B4GALT6: variants seen among roughly 807,000 people sequenced by gnomAD.
B4GALT6 encodes beta-1,4-galactosyltransferase 6, also known as UDP-Gal:beta-GlcNAc beta-1,4-galactosyltransferase 6.
A neutral mutation model predicts 46.3 loss-of-function variants in B4GALT6; 14 were observed. The observed-to-expected ratio is 0.30, with a 90% CI of 0.20 to 0.47. The LOEUF is 0.47. Among genes scored for constraint, B4GALT6 ranks in the 20% least tolerant of loss-of-function variants. B4GALT6 has a pLI of 0.99. For missense variants in B4GALT6, 386 were observed against 480.1 expected, an observed-to-expected ratio of 0.80 and a Z score of 1.83; for synonymous variants, 168 against 162.0, an observed-to-expected ratio of 1.04 and a Z score of -0.28.
chr18:31,685,629 G>C (rs2074540008), upstream of B4GALT6: 1 of 152,492 alleles, frequency 6.6e-6, no homozygotes, highest in Non-Finnish European at 1.5e-5. Flanking sequence ...GCCCCCGCCC[G>C]CCCGGGGACC....
At chr18:31,690,253 T>C (rs1212072956), upstream of B4GALT6, among the ~76,000 whole-genome samples, 1 of 151,922 alleles carries the variant, frequency 6.6e-6, no homozygotes, top group Non-Finnish European at 1.5e-5. Flanking sequence ...TGCCTCAGCC[T>C]CCCGAGTAGC....
In B4GALT6 at chr18:31,622,930, T is replaced by C. The variant is rs1484953366; in HGVS notation, c.*2684A>G. 1 of 152,032 alleles carries C rather than the reference T, an allele frequency of 6.6e-6. No homozygotes were observed. Among genetic ancestry groups the C allele is most frequent in the African/African-American group, 2.4e-5 (1 of 41,448 alleles). The allele number at this position is 152,032 out of a possible 1,614,324, so 9.4% of individuals were successfully genotyped here. On this transcript the variant is annotated 3_prime_UTR_variant, in exon 9 of 9. Coordinates refer to ENST00000306851, the MANE Select transcript of B4GALT6 (RefSeq NM_004775.5). ...CATGTAATTTTCCCAGTTAGTGCCA[T>C]AGGGACCTCCTATTAGCCCTAGGTC...
At chr18:31,632,610 A>G (rs930079638) in intron 5 of B4GALT6, among the ~76,000 whole-genome samples, 2 of 152,128 alleles carry the variant, frequency 1.3e-5, no homozygotes, top group African/African-American at 2.4e-5. Flanking sequence ...GTAGTGGAGG[A>G]GTTAAACCAC....
the B4GALT6 span, among the ~76,000 whole-genome samples, chr18:31,712,616 A>G: frequency 1.3e-5 from 2 of 152,174 alleles, no homozygotes; most frequent in African/African-American, 4.8e-5. Context: ...GCACCTGTCC[A>G]GTCACTTGGA....
upstream of B4GALT6, chr18:31,684,592 G>A (rs1598940783): frequency 1.7e-5 from 24 of 1,385,398 alleles, no homozygotes; most frequent in South Asian, 2.9e-5. Flanking sequence ...GAAATGGGAG[G>A]GAGCGGACGG....
chr18:31,647,550 T>A (rs541651171), intron 3 of B4GALT6, among the ~76,000 whole-genome samples: 2 of 152,264 alleles, frequency 1.3e-5, no homozygotes, highest in Admixed American at 1.3e-4. Context: ...GAAATCCTAG[T>A]AATTTGCTCA....
chr18:31,657,836 G>A, intron 3 of B4GALT6, 140 bp downstream of exon 3: 1 of 508,734 alleles, frequency 2.0e-6, no homozygotes, highest in Non-Finnish European at 3.4e-6. Flanking sequence ...ATAAATAAAA[G>A]TTCAAATAAC....
chr18:31,646,736 G>A lies in B4GALT6; in HGVS notation c.347-1257C>T, dbSNP rs2073995419. On this transcript the variant is annotated intron_variant, in intron 3 of 8. Transcript: ENST00000306851. ...TTGCTCCTGCTATTCTATATTTTAGGAGTTTTCACAATGGCCTCTCTTCCT... is the reference window on the plus strand; with the variant it reads ...TTGCTCCTGCTATTCTATATTTTAGAAGTTTTCACAATGGCCTCTCTTCCT... Among the ~76,000 whole-genome samples, 4 of 152,126 alleles carry A rather than the reference G, an allele frequency of 2.6e-5. No homozygotes were observed. In the South Asian group the frequency reaches 8.3e-4, roughly 32 times the overall value.
intron 5 of B4GALT6, among the ~76,000 whole-genome samples, chr18:31,633,045 G>A (rs1291334069): frequency 6.6e-6 from 1 of 152,020 alleles, no homozygotes; most frequent in Non-Finnish European, 1.5e-5. Flanking sequence ...AAGACCCATG[G>A]AGAATACACT....
chr18:31,634,454 C>A (rs2073832680), intron 5 of B4GALT6, among the ~76,000 whole-genome samples: 1 of 152,218 alleles, frequency 6.6e-6, no homozygotes, highest in African/African-American at 2.4e-5. Flanking sequence ...CAAATTGACT[C>A]TAGTCTTGTC....
At chr18:31,708,567 A>AAAAAAT in the B4GALT6 span, among the ~76,000 whole-genome samples, 2 of 152,138 alleles carry the variant, frequency 1.3e-5, no homozygotes, top group Admixed American at 6.5e-5. Context: ...TCGTCTCAAT[A>AAAAAAT]AAAAATAAAA....
intron 5 of B4GALT6, among the ~76,000 whole-genome samples, chr18:31,631,748 A>C (rs1462078592): frequency 6.6e-6 from 1 of 152,208 alleles, no homozygotes; most frequent in African/African-American, 2.4e-5. Context: ...AATACCAAGG[A>C]GGTCTAACTT....
At chr18:31,677,558 G>T (rs1239970866) in intron 1 of B4GALT6, among the ~76,000 whole-genome samples, 3 of 152,034 alleles carry the variant, frequency 2.0e-5, no homozygotes, top group African/African-American at 7.3e-5. Context: ...AGGCATTATG[G>T]GTATCCTCAG....
At position 31,648,145 on chromosome 18, in the gene B4GALT6, G is replaced by A. The variant is rs570306465; in HGVS notation, c.347-2666C>T. On this transcript the variant is annotated intron_variant, in intron 3 of 8. Transcript: ENST00000306851. ...AGAGATCCACTGAACTCCATGGAGA[G>A]CCAATCTTCACTCTCCTCTGTGGTG... 2.2e-4 allele frequency among the ~76,000 whole-genome samples: 33 copies of A among 152,304 alleles called. No homozygotes were observed. The South Asian group carries it at 6.4e-3, about 30-fold the overall frequency.
intron 3 of B4GALT6, among the ~76,000 whole-genome samples, chr18:31,656,875 G>A (rs140925121): frequency 6.6e-6 from 1 of 152,296 alleles, no homozygotes; most frequent in African/African-American, 2.4e-5. Flanking sequence ...TAAAGCCCAT[G>A]ATGCAGCAAG....
intron 6 of B4GALT6, among the ~76,000 whole-genome samples, chr18:31,627,573 C>T (rs915023598): frequency 8.5e-5 from 13 of 152,074 alleles, no homozygotes; most frequent in African/African-American, 3.1e-4. Context: ...TTACAAAAGA[C>T]AATTCTAGCA....
chr18:31,700,437 G>T, the B4GALT6 span, among the ~76,000 whole-genome samples: 1 of 117,922 alleles, frequency 8.5e-6, no homozygotes, highest in South Asian at 2.3e-4. Flanking sequence ...TTGACTATTT[G>T]TGTGTGTGTG....
At chr18:31,650,511 C>T (rs1381486386) in intron 3 of B4GALT6, among the ~76,000 whole-genome samples, 1 of 152,172 alleles carries the variant, frequency 6.6e-6, no homozygotes, top group Non-Finnish European at 1.5e-5. Flanking sequence ...GTCTCCAGAC[C>T]TGAGCAATGC....
At chr18:31,628,628 G>A (rs1284547685) in intron 6 of B4GALT6, among the ~76,000 whole-genome samples, 1 of 152,206 alleles carries the variant, frequency 6.6e-6, no homozygotes, top group African/African-American at 2.4e-5. Context: ...CTACACCTGA[G>A]AGTCTGAGTT....
Sources: gnomAD v4.1 joint callset for allele counts (sites outside exome capture counted in the v4.1 genomes callset) on GRCh38, gnomAD v4.1.1 for gene constraint, MANE v1.5 for transcripts, NCBI Gene and HGNC (gene_info 2026-07-23, HGNC 2026-07-21) for gene names.